The following CRB1 variants were observed in gnomAD, a reference collection of about 807,000 sequenced individuals.
The protein encoded by CRB1 is crumbs cell polarity complex component 1, also known as protein crumbs homolog 1.
CRB1 carries 83 observed loss-of-function variants against 120.0 expected under a neutral mutation model. The observed-to-expected ratio is 0.69, with a 90% CI of 0.58 to 0.83. The LOEUF is 0.83. Ranked by LOEUF, CRB1 falls within the 40% of genes least tolerant of loss-of-function variation. The pLI, the probability that CRB1 is intolerant of heterozygous loss-of-function variation, is 0.00. For missense variants in CRB1, 1,699 were observed against 1,687.6 expected (o/e 1.01, Z -0.12); for synonymous variants, 625 against 612.5 (o/e 1.02, Z -0.30).
intron 10 of CRB1, 48 bp from the exon 11 acceptor site, chr1:197,442,118 A>G (rs564530356): frequency 1.1e-5 from 18 of 1,613,678 alleles, no homozygotes; most frequent in Non-Finnish European, 1.4e-5. Context: ...TTCACAACCA[A>G]TGTATTCAAC....
At chr1:197,380,752 C>T (rs1456202231) in intron 5 of CRB1, among the ~76,000 whole-genome samples, 1 of 152,178 alleles carries the variant, frequency 6.6e-6, no homozygotes, top group African/African-American at 2.4e-5. Flanking sequence ...CTTTCCTGAT[C>T]ATCTGAAGCC....
intron 1 of CRB1, among the ~76,000 whole-genome samples, chr1:197,293,476 G>A (rs1312332380): frequency 6.6e-6 from 1 of 152,074 alleles, no homozygotes; most frequent in African/African-American, 2.4e-5. Context: ...TCGTGAAAAT[G>A]GCCATACTGC....
intron 11 of CRB1, among the ~76,000 whole-genome samples, chr1:197,475,946 A>G (rs1302728568): frequency 6.6e-6 from 1 of 152,032 alleles, no homozygotes; most frequent in Non-Finnish European, 1.5e-5. Flanking sequence ...GTTTTGCTCT[A>G]TCACCCAGGG....
At chr1:197,300,890 G>A (rs1264172656) in intron 1 of CRB1, among the ~76,000 whole-genome samples, 2 of 152,002 alleles carry the variant, frequency 1.3e-5, no homozygotes, top group Non-Finnish European at 2.9e-5. Context: ...AAAATTCTAG[G>A]CCCCTTACAA....
chr1:197,433,463 T>C (rs1222689660), intron 8 of CRB1, among the ~76,000 whole-genome samples: 5 of 152,086 alleles, frequency 3.3e-5, no homozygotes, highest in African/African-American at 1.2e-4. Context: ...AGGTCATTCA[T>C]TGTAACCATG....
At chr1:197,430,251 A>T (rs937372180) in intron 8 of CRB1, among the ~76,000 whole-genome samples, 1 of 152,196 alleles carries the variant, frequency 6.6e-6, no homozygotes, top group Admixed American at 6.5e-5. Flanking sequence ...CTATACTGTT[A>T]TTTATATTCT....
At chr1:197,263,956 A>G (rs12144822), upstream of CRB1, among the ~76,000 whole-genome samples, 24,640 of 152,172 alleles carry the variant, frequency 0.16, 2,254 homozygotes, top group Middle Eastern at 0.24. Flanking sequence ...TTTATAAAAT[A>G]AATACATTCT....
chr1:197,300,686 G>A (rs927497491), intron 1 of CRB1, among the ~76,000 whole-genome samples: 3 of 152,176 alleles, frequency 2.0e-5, no homozygotes, highest in African/African-American at 7.2e-5. Context: ...ATTGATTAAA[G>A]TGGCTACACT....
At chr1:197,375,773 A>G (rs960477842) in intron 5 of CRB1, among the ~76,000 whole-genome samples, 10 of 152,120 alleles carry the variant, frequency 6.6e-5, no homozygotes, top group Admixed American at 3.9e-4. Context: ...TCTATTCTAA[A>G]TCATTCTAAT....
At chr1:197,331,043 G>A (rs1273932054) in intron 2 of CRB1, among the ~76,000 whole-genome samples, 1 of 152,008 alleles carries the variant, frequency 6.6e-6, no homozygotes, top group African/African-American at 2.4e-5. Flanking sequence ...TTAGCCAGGT[G>A]TGGTGGCGGG....
intron 5 of CRB1, among the ~76,000 whole-genome samples, chr1:197,371,419 G>C (rs1299372070): frequency 6.6e-6 from 1 of 152,066 alleles, no homozygotes. Context: ...TACTTCCCAA[G>C]ATGAGCCTTT....
At chr1:197,460,610 T>G (rs1008743246) in intron 11 of CRB1, among the ~76,000 whole-genome samples, 2 of 152,092 alleles carry the variant, frequency 1.3e-5, no homozygotes, top group African/African-American at 4.8e-5. Flanking sequence ...TATTTCCACT[T>G]TACAGATGCT....
chr1:197,472,727 C>A (rs1418585655), intron 11 of CRB1, among the ~76,000 whole-genome samples: 1 of 152,042 alleles, frequency 6.6e-6, no homozygotes, highest in African/African-American at 2.4e-5. Context: ...TCTGATAGGC[C>A]CAGGTTGCAC....
At chr1:197,318,337 G>T (rs1202047291) in intron 1 of CRB1, among the ~76,000 whole-genome samples, 1 of 152,180 alleles carries the variant, frequency 6.6e-6, no homozygotes, top group African/African-American at 2.4e-5. Context: ...CAAAAAATCA[G>T]AAGATAACAA....
intron 9 of CRB1, 119 bp downstream of exon 9, chr1:197,435,731 C>T: frequency 1.2e-6 from 1 of 869,536 alleles, no homozygotes; most frequent in Non-Finnish European, 1.8e-6. Context: ...AACAGGGTGA[C>T]ACTGGTAGCT....
In CRB1 at chr1:197,438,555, G is replaced by A. The variant is rs192412647; in HGVS notation, c.3758G>A (p.Arg1253Lys). The A allele has an allele frequency of 6.2e-7, 1 of 1,612,338 alleles. No individual in the cohort carries two copies. The highest frequency in any genetic ancestry group is 1.7e-5 in the Admixed American group (1 of 59,928). The change falls in exon 10 of 12, where the codon AGA (arginine) becomes AAA (lysine). Residue 1253 changes from arginine (R) to lysine (K), a missense_variant. Physicochemically the swap from Arg to Lys is conservative, Grantham distance 26. Coordinates refer to ENST00000367400, the MANE Select transcript of CRB1 (RefSeq NM_201253.3). Reference protein sequence around the residue: ...NFTGKFCRQSRLPSTVCGNEK... With the variant: ...NFTGKFCRQSKLPSTVCGNEK... The stretch of plus-strand genomic sequence containing the variant: ...TGCTTTTATCTCTCTAGACAGAGCA[G>A]ATTACCCTCAACAGTCTGTGGGAAT...
the CRB1 span, chr1:197,222,640 T>C: frequency 3.9e-6 from 3 of 776,434 alleles, no homozygotes; most frequent in African/African-American, 3.4e-5. Context: ...AACTCAGTGT[T>C]TGAAGACCTT....
At chr1:197,356,173 TGTTAA>T (rs1660469626) in intron 4 of CRB1, among the ~76,000 whole-genome samples, 1 of 152,228 alleles carries the variant, frequency 6.6e-6, no homozygotes, top group Non-Finnish European at 1.5e-5. Flanking sequence ...GTTCCAGTTA[TGTTAA>T]AACAGTCACA....
intron 1 of CRB1, among the ~76,000 whole-genome samples, chr1:197,316,792 CA>C (rs1476382677): frequency 6.6e-6 from 1 of 151,048 alleles, no homozygotes; most frequent in East Asian, 1.9e-4. Flanking sequence ...AATTAATAAA[CA>C]AGTTCAGTAA....
Sources: gnomAD v4.1 joint callset for allele counts (sites outside exome capture counted in the v4.1 genomes callset) on GRCh38, gnomAD v4.1.1 for gene constraint, MANE v1.5 for transcripts, NCBI Gene and HGNC (gene_info 2026-07-23, HGNC 2026-07-21) for gene names.